The following XKR6 variants were observed in gnomAD, a reference collection of about 807,000 sequenced individuals.
XKR6 encodes the protein XK related 6, also known as XK-related protein 6.
Under a neutral mutation model 56.7 loss-of-function variants are expected in XKR6, and 22 were observed. The observed-to-expected ratio is 0.39, with a 90% CI of 0.28 to 0.55. The LOEUF is 0.55. XKR6 is among the 20% of genes least tolerant of loss of function. The pLI is 0.66. For synonymous variants in XKR6, 524 were observed against 387.8 expected, an observed-to-expected ratio of 1.35 and a Z score of -4.13; for missense variants, 852 against 889.0, an observed-to-expected ratio of 0.96 and a Z score of 0.53.
intron 1 of XKR6, among the ~76,000 whole-genome samples, chr8:10,941,318 T>C (rs11250093): frequency 0.55 from 83,928 of 151,984 alleles, 25,050 homozygotes; most frequent in African/African-American, 0.73. Context: ...CACAACCACA[T>C]AAAGTGATAC....
At chr8:11,073,146 T>A (rs1800177575) in intron 1 of XKR6, among the ~76,000 whole-genome samples, 1 of 152,198 alleles carries the variant, frequency 6.6e-6, no homozygotes, top group African/African-American at 2.4e-5. Flanking sequence ...AGAAAGGCAA[T>A]CATTCATTAG....
intron 1 of XKR6, among the ~76,000 whole-genome samples, chr8:11,119,416 G>A (rs1385786817): frequency 1.3e-5 from 2 of 152,170 alleles, no homozygotes; most frequent in African/African-American, 2.4e-5. Context: ...GGGTGGTAAA[G>A]TCTCCCATTA....
At chr8:10,914,558 T>C (rs1276887933) in intron 2 of XKR6, among the ~76,000 whole-genome samples, 1 of 152,122 alleles carries the variant, frequency 6.6e-6, no homozygotes, top group Non-Finnish European at 1.5e-5. Context: ...CCCCCAATGC[T>C]CCTCCTCCTT....
intron 1 of XKR6, among the ~76,000 whole-genome samples, chr8:10,995,525 C>CAT (rs1409831618): frequency 2.0e-5 from 3 of 147,006 alleles, no homozygotes; most frequent in East Asian, 2.0e-4. Context: ...CACACACACA[C>CAT]ATATATATAT....
chr8:10,915,522 C>A (rs921529293), intron 2 of XKR6, among the ~76,000 whole-genome samples: 6 of 150,842 alleles, frequency 4.0e-5, no homozygotes, highest in Non-Finnish European at 8.8e-5. Context: ...TTTTTTTCTG[C>A]TGCTTTAAGA....
chr8:10,985,589 C>G (rs908782505), intron 1 of XKR6, among the ~76,000 whole-genome samples: 10 of 130,180 alleles, frequency 7.7e-5, no homozygotes, highest in Admixed American at 6.0e-4. Context: ...ATTCTACCAT[C>G]TTTTGGTTAA....
At chr8:11,042,976 C>A (rs150156095) in intron 1 of XKR6, among the ~76,000 whole-genome samples, 28 of 152,188 alleles carry the variant, frequency 1.8e-4, no homozygotes, top group African/African-American at 6.0e-4. Flanking sequence ...GCCAGCCCCA[C>A]GAGCCCAGGG....
chr8:11,058,422 G>C (rs143576000), intron 1 of XKR6, among the ~76,000 whole-genome samples: 1 of 152,164 alleles, frequency 6.6e-6, no homozygotes, highest in Non-Finnish European at 1.5e-5. Context: ...TATTTGCTAC[G>C]TAAATGAACC....
intron 1 of XKR6, among the ~76,000 whole-genome samples, chr8:11,186,142 G>C (rs1170379222): frequency 6.6e-6 from 1 of 151,902 alleles, no homozygotes; most frequent in Admixed American, 6.6e-5. Flanking sequence ...GCAATCAATA[G>C]CATTTTTTTT....
intron 1 of XKR6, among the ~76,000 whole-genome samples, chr8:10,987,860 G>A (rs544525757): frequency 4.0e-4 from 61 of 152,134 alleles, no homozygotes; most frequent in Non-Finnish European, 7.1e-4. Context: ...TCCTGCCATG[G>A]CTCTTAGCAG....
intron 1 of XKR6, among the ~76,000 whole-genome samples, chr8:11,038,378 G>C (rs1192146935): frequency 1.3e-5 from 2 of 152,108 alleles, no homozygotes; most frequent in African/African-American, 4.8e-5. Context: ...AGGTCACACA[G>C]GTATTTTAAG....
chr8:11,053,612 G>A (rs1023739740), intron 1 of XKR6, among the ~76,000 whole-genome samples: 3 of 152,220 alleles, frequency 2.0e-5, no homozygotes, highest in African/African-American at 7.2e-5. Context: ...GATGAGCTCT[G>A]ATTGACTGGC....
intron 1 of XKR6, among the ~76,000 whole-genome samples, chr8:10,984,582 A>G (rs1179043292): frequency 6.6e-6 from 1 of 151,902 alleles, no homozygotes; most frequent in Non-Finnish European, 1.5e-5. Context: ...AATGATTAAA[A>G]TAGTAAAGGA....
chr8:10,991,051 C>G (rs1797980713), intron 1 of XKR6, among the ~76,000 whole-genome samples: 1 of 151,928 alleles, frequency 6.6e-6, no homozygotes, highest in Non-Finnish European at 1.5e-5. Flanking sequence ...TTACAGGCAC[C>G]CACCAACATG....
chr8:11,127,322 C>G (rs926745413), intron 1 of XKR6, among the ~76,000 whole-genome samples: 4 of 152,278 alleles, frequency 2.6e-5, no homozygotes, highest in Non-Finnish European at 4.4e-5. Flanking sequence ...AGTTACTTAT[C>G]TTTTTTAAAC....
At chr8:10,971,251 C>T (rs2129133890) in intron 1 of XKR6, among the ~76,000 whole-genome samples, 1 of 151,840 alleles carries the variant, frequency 6.6e-6, no homozygotes, top group South Asian at 2.1e-4. Context: ...GAAACTCCAC[C>T]TCTACTAAAA....
chr8:11,048,286 G>T (rs911606025), intron 1 of XKR6, among the ~76,000 whole-genome samples: 1 of 152,122 alleles, frequency 6.6e-6, no homozygotes, highest in African/African-American at 2.4e-5. Flanking sequence ...TTTGCCTGCA[G>T]TTCTGAAACA....
At chr8:11,077,940 G>A (rs1216267972) in intron 1 of XKR6, among the ~76,000 whole-genome samples, 4 of 152,110 alleles carry the variant, frequency 2.6e-5, no homozygotes, top group African/African-American at 4.8e-5. Flanking sequence ...TGCACTGGCC[G>A]CCGGGCTGGC....
intron 2 of XKR6, among the ~76,000 whole-genome samples, chr8:10,910,665 C>A (rs1027103107): frequency 6.6e-6 from 1 of 152,182 alleles, no homozygotes; most frequent in Non-Finnish European, 1.5e-5. Context: ...AAGTACCAGA[C>A]CTCCCCTCAA....
Sources: allele counts gnomAD v4.1 joint callset (sites outside exome capture counted in the v4.1 genomes callset), GRCh38; gene constraint gnomAD v4.1.1; transcripts MANE v1.5; gene names NCBI Gene and HGNC (gene_info 2026-07-23, HGNC 2026-07-21).